The following GFM1 variants were observed in gnomAD, a reference collection of about 807,000 sequenced individuals.
GFM1 encodes elongation factor G, mitochondrial.
A neutral mutation model predicts 96.2 loss-of-function variants in GFM1; 62 were observed. That is an observed-to-expected ratio of 0.64 (90% CI 0.53 to 0.80). The LOEUF is 0.80. Ranked by LOEUF, GFM1 falls within the 30% of genes least tolerant of loss-of-function variation. The probability of loss-of-function intolerance (pLI) is 0.00; values close to 1 mark genes in which losing one functional copy is unlikely to be tolerated. For synonymous variants in GFM1, 282 were observed against 312.9 expected, an observed-to-expected ratio of 0.90 and a Z score of 1.04; for missense variants, 852 against 916.6, an observed-to-expected ratio of 0.93 and a Z score of 0.91.
At chr3:158,663,121 A>C (rs1203625206) in intron 11 of GFM1, among the ~76,000 whole-genome samples, 1 of 152,286 alleles carries the variant, frequency 6.6e-6, no homozygotes, top group South Asian at 2.1e-4. Context: ...TAAATGTCTG[A>C]GTATTGCATG....
rs750555672 is a variant in GFM1 at position 158,658,954 on chromosome 3, C to T, written c.1116C>T (p.Arg372=). ...GATTTGGACAATTAACTTATGTTCG[C>T]AGTTATCAGGGAGAGCTAAAGAAGG... ...VGRFGQLTYV[R]SYQGELKKGD... Residue 372 remains arginine, a synonymous_variant, in exon 9 of 18, where the codon CGC becomes CGT. Transcript: ENST00000486715. 7 of 1,613,988 alleles carry T rather than the reference C, an allele frequency of 4.3e-6. No homozygotes were observed. In the African/African-American group the frequency reaches 9.3e-5, roughly 22 times the overall value.
chr3:158,667,753 A>G (rs1283667622), intron 13 of GFM1, among the ~76,000 whole-genome samples: 1 of 152,122 alleles, frequency 6.6e-6, no homozygotes, highest in East Asian at 1.9e-4. Context: ...ACACTAATGC[A>G]CTCCAGCCTG....
chr3:158,661,347 C>CTAG (rs777438163), intron 10 of GFM1, among the ~76,000 whole-genome samples: 15 of 152,158 alleles, frequency 9.9e-5, no homozygotes, highest in Non-Finnish European at 2.1e-4. Context: ...TAACATCAAG[C>CTAG]TAGTTTCAGT....
intron 13 of GFM1, among the ~76,000 whole-genome samples, chr3:158,680,287 AT>A (rs1489887981): frequency 6.6e-6 from 1 of 152,130 alleles, no homozygotes; most frequent in Non-Finnish European, 1.5e-5. Context: ...GTGAGTTCTC[AT>A]CCCTCAACCT....
chr3:158,658,600 T>C (rs1356024408), intron 8 of GFM1, among the ~76,000 whole-genome samples: 3 of 152,218 alleles, frequency 2.0e-5, no homozygotes, highest in Non-Finnish European at 2.9e-5. Flanking sequence ...TATCTTATTG[T>C]ATTAAACTTA....
chr3:158,672,284 C>T, intron 13 of GFM1: 1 of 1,592,846 alleles, frequency 6.3e-7, no homozygotes, highest in African/African-American at 1.3e-5. Context: ...AAGGCTGAGA[C>T]CGCGGGTGAG....
chr3:158,666,415 G>A (rs770749738), intron 13 of GFM1, 29 bp downstream of exon 13: 66 of 1,574,978 alleles, frequency 4.2e-5, no homozygotes, highest in Non-Finnish European at 5.6e-5. Context: ...TAAACATTAT[G>A]AGGCTGAAAT....
chr3:158,645,975 G>T, intron 2 of GFM1, 190 bp from the exon 3 acceptor site: 3 of 827,658 alleles, frequency 3.6e-6, no homozygotes, highest in South Asian at 1.5e-5. Flanking sequence ...TATAGAAGAG[G>T]TCTCACTTTG....
At chr3:158,654,185 CTA>C (rs1483326816) in intron 7 of GFM1, among the ~76,000 whole-genome samples, 4 of 141,314 alleles carry the variant, frequency 2.8e-5, no homozygotes, top group Non-Finnish European at 6.1e-5. Context: ...TATGTAGTAA[CTA>C]AGCTAAGCTC....
rs901689184 is a variant in GFM1, at chr3:158,695,199, C to A, written c.*3732C>A. On this transcript the variant is annotated 3_prime_UTR_variant, in exon 18 of 18. Transcript: ENST00000486715. ...GACCACCCTGGCCAACACGGTGAAA[C>A]CCCGTCTCTACTATAAATACAAAAA... 1.3e-5 allele frequency among the ~76,000 whole-genome samples: 2 copies of A among 151,742 alleles called. No homozygotes were observed. The highest frequency in any genetic ancestry group is 2.9e-5 in the Non-Finnish European group (2 of 67,942).
At chr3:158,652,075 C>T (rs1442137679) in intron 5 of GFM1, 21 bp from the exon 6 acceptor site, 1 of 1,611,508 alleles carries the variant, frequency 6.2e-7, no homozygotes, top group South Asian at 1.1e-5. Flanking sequence ...CCTTAAAGCA[C>T]CAAAATATTT....
rs778858375 is a variant in GFM1, at chr3:158,649,081, A to C, written c.613A>C (p.Met205Leu). 1 of 1,570,366 alleles carries C rather than the reference A, an allele frequency of 6.4e-7. No individual in the cohort carries two copies. The highest frequency in any genetic ancestry group is 1.4e-5 in the African/African-American group (1 of 73,820). Residue 205 changes from methionine to leucine, a missense_variant, in exon 5 of 18, where the codon ATG becomes CTG. Physicochemically the swap from Met to Leu is conservative, Grantham distance 15 (BLOSUM62 2). Coordinates refer to ENST00000486715, the MANE Select transcript of GFM1 (RefSeq NM_024996.7). ...NHNAAFMQIP[M>L]GLEGNFKGIV... The stretch of plus-strand genomic sequence containing the variant: ...TAATGCAGCGTTTATGCAGATACCC[A>C]TGGGTTTGGAGGGTAATTTTAAAGG...
chr3:158,656,094 C>T (rs905374473), intron 8 of GFM1: 9 of 326,352 alleles, frequency 2.8e-5, no homozygotes, highest in Admixed American at 2.0e-4. Context: ...ATTCTTGTCA[C>T]ATCATATCCA....
intron 13 of GFM1, among the ~76,000 whole-genome samples, chr3:158,675,179 C>A (rs552043943): frequency 6.7e-6 from 1 of 148,454 alleles, no homozygotes; most frequent in African/African-American, 2.5e-5. Context: ...CCCAGCTACT[C>A]GGGAGGCTGA....
At chr3:158,662,522 A>G in intron 10 of GFM1, 106 bp from the exon 11 acceptor site, 4 of 748,416 alleles carry the variant, frequency 5.3e-6, no homozygotes, top group Non-Finnish European at 9.8e-6. Flanking sequence ...ATAGGCTACT[A>G]TTTATCCTTT....
In GFM1 at chr3:158,688,013, GC is replaced by G. The variant is rs889604755; in HGVS notation, c.1910-2149del. Among the ~76,000 whole-genome samples, 6 of 151,894 alleles carry G rather than the reference GC, an allele frequency of 4.0e-5. 1 individual carries two copies. In the South Asian group the frequency reaches 1.2e-3, roughly 32 times the overall value. On this transcript the variant is annotated intron_variant, in intron 15 of 17. Transcript: ENST00000486715. ...GGTAAATGAGCTTAGTATAAGAATA[GC>G]TTATAACTGTAAGATATTATAGTTA...
At chr3:158,684,053 G>A (rs1560144394) in intron 14 of GFM1, among the ~76,000 whole-genome samples, 1 of 152,036 alleles carries the variant, frequency 6.6e-6, no homozygotes, top group Admixed American at 6.6e-5. Flanking sequence ...TGCAGGGAGG[G>A]GCATGGATGG....
intron 14 of GFM1, among the ~76,000 whole-genome samples, chr3:158,683,890 G>A (rs1435173315): frequency 2.0e-5 from 3 of 152,074 alleles, no homozygotes; most frequent in East Asian, 1.9e-4. Context: ...TAAATGCCAC[G>A]ATAATAAAAC....
chr3:158,644,617 G>C lies in GFM1; in HGVS notation c.-18G>C, dbSNP rs1186850734. The C allele has an allele frequency of 8.3e-6, 13 of 1,560,362 alleles. No homozygotes were observed. The East Asian group carries it at 2.1e-4, about 26-fold the overall frequency. ...CCACCCGGCGCCACGGGACTTTGACGCGTGCTCTGCGCTTGCCATGAGACT... is the reference window on the plus strand; with the variant it reads ...CCACCCGGCGCCACGGGACTTTGACCCGTGCTCTGCGCTTGCCATGAGACT... On this transcript the variant is annotated 5_prime_UTR_variant, in exon 1 of 18. Transcript: ENST00000486715.
Sources: gnomAD v4.1 joint callset for allele counts (sites outside exome capture counted in the v4.1 genomes callset) on GRCh38, gnomAD v4.1.1 for gene constraint, MANE v1.5 for transcripts, NCBI Gene and HGNC (gene_info 2026-07-23, HGNC 2026-07-21) for gene names.